PDE10A: variants seen among roughly 807,000 people sequenced by gnomAD.
The protein encoded by PDE10A is phosphodiesterase 10A.
Under a neutral mutation model 97.7 loss-of-function variants are expected in PDE10A, and 39 were observed. The ratio of observed to expected loss-of-function variants is 0.40; its 90% confidence interval spans 0.31 to 0.52. The LOEUF is 0.52. Ranked by LOEUF, PDE10A falls within the 20% of genes least tolerant of loss-of-function variation. PDE10A has a pLI of 0.56. For synonymous variants in PDE10A, 371 were observed against 376.8 expected, an observed-to-expected ratio of 0.98 and a Z score of 0.18; for missense variants, 731 against 1,047.8, an observed-to-expected ratio of 0.70 and a Z score of 4.17.
intron 1 of PDE10A, among the ~76,000 whole-genome samples, chr6:165,943,153 G>GAT (rs1783589632): frequency 7.6e-6 from 1 of 132,234 alleles, no homozygotes; most frequent in Admixed American, 7.7e-5. Context: ...GAGAGAGAGA[G>GAT]AGAGAGAGAA....
intron 1 of PDE10A, among the ~76,000 whole-genome samples, chr6:165,809,452 C>CT (rs1779222431): frequency 6.6e-6 from 1 of 152,204 alleles, no homozygotes; most frequent in South Asian, 2.1e-4. Flanking sequence ...ACTCAGCATG[C>CT]TTTGGAGCCC....
At chr6:165,688,111 A>T (rs1429217463) in intron 1 of PDE10A, among the ~76,000 whole-genome samples, 1 of 152,252 alleles carries the variant, frequency 6.6e-6, no homozygotes, top group Non-Finnish European at 1.5e-5. Flanking sequence ...ACGTAGAGAT[A>T]CACATTTTCC....
chr6:165,391,137 T>A (rs1204283113), intron 16 of PDE10A, among the ~76,000 whole-genome samples: 1 of 152,212 alleles, frequency 6.6e-6, no homozygotes, highest in East Asian at 1.9e-4. Context: ...GTATAAAGAA[T>A]CACCCTTGTT....
intron 1 of PDE10A, among the ~76,000 whole-genome samples, chr6:165,947,737 T>G (rs1264875127): frequency 6.6e-6 from 1 of 152,186 alleles, no homozygotes; most frequent in Non-Finnish European, 1.5e-5. Context: ...CCACTGCTAC[T>G]TTTGATGTCG....
In PDE10A at chr6:165,776,647, G is replaced by A. The variant is rs1017704167; in HGVS notation, c.-615+210882C>T. ...TCTTCAACAGTGCTGCAACTGAACC[G>A]CCTCCCACCCTCTCCTCTCTCCTTC... On this transcript the variant is annotated intron_variant, in intron 1 of 19. Coordinates refer to the PDE10A transcript ENST00000366882. Among the ~76,000 whole-genome samples the A allele has an allele frequency of 1.3e-5, 2 of 152,142 alleles. 1 individual carries two copies. The highest frequency in any genetic ancestry group is 4.1e-4 in the South Asian group (2 of 4,828).
intron 1 of PDE10A, among the ~76,000 whole-genome samples, chr6:165,564,702 G>C (rs1174347246): frequency 6.6e-6 from 1 of 152,116 alleles, no homozygotes; most frequent in Admixed American, 6.5e-5. Flanking sequence ...TTCTATATTA[G>C]TTAATGCTAA....
intron 1 of PDE10A, among the ~76,000 whole-genome samples, chr6:165,643,444 A>C (rs1789242814): frequency 6.6e-6 from 1 of 152,174 alleles, no homozygotes; most frequent in Admixed American, 6.5e-5. Flanking sequence ...GAGCCTTTTC[A>C]GATTGTCCCA....
At chr6:165,489,596 T>C (rs113793713) in intron 2 of PDE10A, among the ~76,000 whole-genome samples, 6 of 152,186 alleles carry the variant, frequency 3.9e-5, no homozygotes, top group Admixed American at 1.3e-4. Flanking sequence ...TAAACCAAGA[T>C]GAAATCTCTG....
chr6:165,574,293 G>A (rs981759127), intron 1 of PDE10A, among the ~76,000 whole-genome samples: 3 of 151,446 alleles, frequency 2.0e-5, no homozygotes, highest in Non-Finnish European at 4.4e-5. Context: ...GAAAATGTAC[G>A]TGTGCCTCTT....
chr6:165,697,328 C>G (rs767231992), intron 1 of PDE10A, among the ~76,000 whole-genome samples: 1 of 151,956 alleles, frequency 6.6e-6, no homozygotes, highest in Non-Finnish European at 1.5e-5. Context: ...ACAATGGAGG[C>G]CAGAAAGCCA....
chr6:165,766,413 C>T (rs1228056237), intron 1 of PDE10A, among the ~76,000 whole-genome samples: 1 of 152,204 alleles, frequency 6.6e-6, no homozygotes, highest in Non-Finnish European at 1.5e-5. Context: ...TTTGATATGT[C>T]TTATCCTCAC....
At chr6:165,986,409 A>T (rs1785211988) in intron 1 of PDE10A, 1 of 153,362 alleles carries the variant, frequency 6.5e-6, no homozygotes, top group East Asian at 1.9e-4. Flanking sequence ...GGTGGCAGGA[A>T]AGGCAGAGGG....
In PDE10A at chr6:165,542,554, T is replaced by G. The variant is rs1233045328; in HGVS notation, c.994+886A>C. 2.7e-5 allele frequency among the ~76,000 whole-genome samples: 4 copies of G among 150,930 alleles called. No homozygotes were observed. The East Asian group carries it at 5.9e-4, about 22-fold the overall frequency. On this transcript the variant is annotated intron_variant, in intron 2 of 21. Coordinates refer to ENST00000539869, the MANE Select transcript of PDE10A (RefSeq NM_001385079.1). ...GCCAGGATCTCAAAAGTTAAAACAG[T>G]GGTTCTGCACTCCTTTTCTCATTTC...
chr6:165,577,201 C>T (rs560610708), intron 1 of PDE10A, among the ~76,000 whole-genome samples: 1 of 152,322 alleles, frequency 6.6e-6, no homozygotes, highest in East Asian at 1.9e-4. Context: ...TTACTTGCAG[C>T]CAAAAGGTGC....
chr6:165,844,758 T>C lies in PDE10A; in HGVS notation c.-615+142771A>G, dbSNP rs143698918. Among the ~76,000 whole-genome samples, 40 of 152,346 alleles carry C rather than the reference T, an allele frequency of 2.6e-4. No homozygotes were observed. The East Asian group carries it at 7.5e-3, about 29-fold the overall frequency. Reference sequence around the variant, plus strand: ...TTTAAGGAGGTTGAAAAGAATTATATTAAAGAAATAACAGCATGATAATAC... The same window carrying C: ...TTTAAGGAGGTTGAAAAGAATTATACTAAAGAAATAACAGCATGATAATAC... On this transcript the variant is annotated intron_variant, in intron 1 of 19. Transcript: ENST00000366882.
At chr6:165,732,816 A>G (rs1160746693) in intron 1 of PDE10A, among the ~76,000 whole-genome samples, 1 of 152,198 alleles carries the variant, frequency 6.6e-6, no homozygotes, top group Non-Finnish European at 1.5e-5. Flanking sequence ...CTTCCCCGTT[A>G]GGATCTCCCC....
At chr6:165,530,499 G>A (rs1392980551) in intron 2 of PDE10A, among the ~76,000 whole-genome samples, 2 of 151,972 alleles carry the variant, frequency 1.3e-5, no homozygotes, top group East Asian at 1.9e-4. Flanking sequence ...ACTACCTATT[G>A]AGTACTATGC....
chr6:165,772,459 C>G (rs569701427), intron 1 of PDE10A, among the ~76,000 whole-genome samples: 1 of 152,164 alleles, frequency 6.6e-6, no homozygotes, highest in Non-Finnish European at 1.5e-5. Flanking sequence ...GTTCTCCATG[C>G]GGCGTCCTAG....
rs371978337 is a variant in PDE10A, at chr6:165,412,924, AAGAC to A, written c.2076+573_2076+576del. Among the ~76,000 whole-genome samples the A allele has an allele frequency of 8.7e-3, 1,324 of 152,310 alleles. 49 individuals carry two copies. The highest frequency in any genetic ancestry group is 0.085 in the South Asian group (407 of 4,814). On this transcript the variant is annotated intron_variant, in intron 13 of 21. Coordinates refer to ENST00000539869, the MANE Select transcript of PDE10A (RefSeq NM_001385079.1). ...ATTCATCTAAAATATAACAATGTAA[AAGAC>A]AGACAATAAATTCCACTATTTTTAA...
Sources: gnomAD v4.1 joint callset for allele counts (sites outside exome capture counted in the v4.1 genomes callset) on GRCh38, gnomAD v4.1.1 for gene constraint, MANE v1.5 for transcripts, NCBI Gene and HGNC (gene_info 2026-07-23, HGNC 2026-07-21) for gene names.